SH3KBP1: variants seen among roughly 807,000 people sequenced by gnomAD.
The protein encoded by SH3KBP1 is SH3 domain containing kinase binding protein 1.
SH3KBP1 carries 8 observed loss-of-function variants against 50.1 expected under a neutral mutation model. That is an observed-to-expected ratio of 0.16 (90% confidence interval 0.09 to 0.29). The LOEUF is 0.29. Ranked by LOEUF, SH3KBP1 falls within the 10% of genes least tolerant of loss-of-function variation. SH3KBP1 has a pLI of 1.00. For synonymous variants in SH3KBP1, 227 were observed against 218.6 expected, an observed-to-expected ratio of 1.04 and a Z score of -0.34; for missense variants, 377 against 535.2, an observed-to-expected ratio of 0.70 and a Z score of 2.92.
chrX:19,608,185 C>G, intron 8 of SH3KBP1, 140 bp from the exon 9 acceptor site: 1 of 452,916 alleles, frequency 2.2e-6, no homozygotes, highest in East Asian at 4.1e-5. Flanking sequence ...AGCACAAACC[C>G]CAATGTCAGA....
intron 9 of SH3KBP1, among the ~76,000 whole-genome samples, chrX:19,598,650 A>C (rs2066984833): frequency 9.0e-6 from 1 of 111,264 alleles, no homozygotes; most frequent in Admixed American, 9.7e-5. Flanking sequence ...AGTTTGCCTC[A>C]TTTCAACATT....
chrX:19,726,233 G>A (rs1412277445), intron 3 of SH3KBP1, among the ~76,000 whole-genome samples: 1 of 111,829 alleles, frequency 8.9e-6, no homozygotes, highest in Non-Finnish European at 1.9e-5. Context: ...GTGCTGCATG[G>A]AGTTTGGCAG....
At chrX:19,655,578 T>C (rs745699905) in intron 6 of SH3KBP1, among the ~76,000 whole-genome samples, 2 of 111,475 alleles carry the variant, frequency 1.8e-5, no homozygotes, top group Non-Finnish European at 3.8e-5. Flanking sequence ...GAAAACCAAG[T>C]ACTACATATT....
At chrX:19,644,949 A>T (rs7061333) in intron 7 of SH3KBP1, among the ~76,000 whole-genome samples, 9,487 of 111,145 alleles carry the variant, frequency 0.085, 1,026 homozygotes, top group African/African-American at 0.3. Context: ...GTATCTGGAG[A>T]TATTCAAGCA....
chrX:19,612,164 C>T (rs893944689), intron 8 of SH3KBP1, among the ~76,000 whole-genome samples: 7 of 111,235 alleles, frequency 6.3e-5, no homozygotes, highest in Non-Finnish European at 1.1e-4. Context: ...AAGTCCTCTT[C>T]AACAAACCAG....
rs748235696 is a variant in SH3KBP1 at position 19,704,258 on chromosome X, G to T, written c.390+2623C>A. 8.0e-5 allele frequency among the ~76,000 whole-genome samples: 9 copies of T among 112,672 alleles called. No individual in the cohort carries two copies. In the South Asian group the frequency reaches 3.3e-3, roughly 41 times the overall value. On this transcript the variant is annotated intron_variant, in intron 4 of 17. Transcript: ENST00000397821. ...AAAGGAGGCTGGTATTGTAGATGAT[G>T]GCAAAGGCCTATCAGCCTCTAGGCA...
intron 12 of SH3KBP1, among the ~76,000 whole-genome samples, chrX:19,586,451 C>T (rs1423085128): frequency 8.9e-6 from 1 of 112,259 alleles, no homozygotes; most frequent in Non-Finnish European, 1.9e-5. Context: ...TTGTATAGCT[C>T]GTATTCTTTT....
At chrX:19,755,546 A>G (rs1404572935) in intron 2 of SH3KBP1, among the ~76,000 whole-genome samples, 1 of 111,796 alleles carries the variant, frequency 8.9e-6, no homozygotes, top group African/African-American at 3.3e-5. Flanking sequence ...CAACAAAAAA[A>G]TAGCAAAGGA....
intron 5 of SH3KBP1, among the ~76,000 whole-genome samples, chrX:19,688,340 T>TA (rs1196523040): frequency 1.8e-5 from 2 of 111,956 alleles, no homozygotes; most frequent in Non-Finnish European, 3.8e-5. Flanking sequence ...CGGGGTTTTC[T>TA]GCTTAGAACC....
chrX:19,702,667 C>T (rs377182790), intron 4 of SH3KBP1, among the ~76,000 whole-genome samples: 1 of 108,992 alleles, frequency 9.2e-6, no homozygotes, highest in Non-Finnish European at 1.9e-5. Context: ...AAAAAAAAAA[C>T]AAAAAACAAA....
At chrX:19,563,022 G>A (rs2065730538) in intron 13 of SH3KBP1, among the ~76,000 whole-genome samples, 1 of 112,114 alleles carries the variant, frequency 8.9e-6, no homozygotes, top group African/African-American at 3.2e-5. Flanking sequence ...TTTTCCTACA[G>A]GCACTTTCAA....
At chrX:19,715,510 T>A (rs961325365) in intron 3 of SH3KBP1, among the ~76,000 whole-genome samples, 8 of 111,304 alleles carry the variant, frequency 7.2e-5, no homozygotes, top group Non-Finnish European at 1.5e-4. Flanking sequence ...CTCTAGAGAT[T>A]CAAATGTCAA....
At chrX:19,695,541 C>CAG in intron 5 of SH3KBP1, 71 bp downstream of exon 5, 8 of 1,157,877 alleles carry the variant, frequency 6.9e-6, no homozygotes, top group Non-Finnish European at 9.4e-6. Flanking sequence ...GGATACAGAA[C>CAG]AGAAGGGAGG....
At chrX:19,834,212 T>C (rs2067994394) in intron 2 of SH3KBP1, among the ~76,000 whole-genome samples, 2 of 112,351 alleles carry the variant, frequency 1.8e-5, no homozygotes, top group African/African-American at 3.2e-5. Flanking sequence ...CCATCACACA[T>C]TTTTCATCAA....
At chrX:19,835,038 CAA>C (rs1252835765) in intron 2 of SH3KBP1, among the ~76,000 whole-genome samples, 11 of 42,350 alleles carry the variant, frequency 2.6e-4, no homozygotes, top group Admixed American at 2.9e-4. Context: ...AAGACTGTCT[CAA>C]AAAAAAAAAA....
At chrX:19,756,817 C>T (rs1328266391) in intron 2 of SH3KBP1, among the ~76,000 whole-genome samples, 6 of 106,886 alleles carry the variant, frequency 5.6e-5, no homozygotes, top group Admixed American at 2.0e-4. Context: ...CTCTCCAAGA[C>T]TGAAGTCAGT....
At chrX:19,775,486 T>C (rs2065944811) in intron 2 of SH3KBP1, among the ~76,000 whole-genome samples, 1 of 112,067 alleles carries the variant, frequency 8.9e-6, no homozygotes, top group East Asian at 2.8e-4. Context: ...CACAAAATAT[T>C]AGCACTGTAT....
chrX:19,781,414 T>C (rs184305593), intron 2 of SH3KBP1, among the ~76,000 whole-genome samples: 6 of 110,412 alleles, frequency 5.4e-5, no homozygotes, highest in African/African-American at 2.0e-4. Flanking sequence ...GTACAAGAGT[T>C]CTAGACCAGC....
At chrX:19,568,621 C>T (rs904331666) in intron 13 of SH3KBP1, among the ~76,000 whole-genome samples, 2 of 111,776 alleles carry the variant, frequency 1.8e-5, no homozygotes, top group Admixed American at 9.5e-5. Flanking sequence ...GTAGCTCCCT[C>T]CCATTTATCA....
Sources: gnomAD v4.1 joint callset for allele counts (sites outside exome capture counted in the v4.1 genomes callset) on GRCh38, gnomAD v4.1.1 for gene constraint, MANE v1.5 for transcripts, NCBI Gene and HGNC (gene_info 2026-07-23, HGNC 2026-07-21) for gene names.